TMEM87A: variants seen among roughly 807,000 people sequenced by gnomAD.
TMEM87A encodes Golgi-pH regulating cation channel.
A neutral mutation model predicts 90.0 loss-of-function variants in TMEM87A; 50 were observed. The observed-to-expected ratio is 0.56, with a 90% CI of 0.44 to 0.70. The LOEUF (loss-of-function observed/expected upper bound fraction) is 0.70, where lower values mean the gene tolerates loss of function less well. Ranked by LOEUF, TMEM87A falls within the 30% of genes least tolerant of loss-of-function variation. The probability of loss-of-function intolerance (pLI) is 0.00; values close to 1 mark genes in which losing one functional copy is unlikely to be tolerated. For synonymous variants in TMEM87A, 226 were observed against 226.7 expected (o/e 1.00, Z 0.03); for missense variants, 577 against 660.5 (o/e 0.87, Z 1.39).
At chr15:42,248,011 A>C (rs181455569) in intron 6 of TMEM87A, among the ~76,000 whole-genome samples, 150 of 152,196 alleles carry the variant, frequency 9.9e-4, no homozygotes, top group African/African-American at 3.4e-3. Flanking sequence ...CATCCCTTTT[A>C]AATTGGATTC....
intron 12 of TMEM87A, among the ~76,000 whole-genome samples, chr15:42,229,570 G>C (rs974241865): frequency 4.6e-5 from 7 of 151,704 alleles, no homozygotes; most frequent in African/African-American, 1.7e-4. Context: ...ATCTAGTTGA[G>C]GGTCATAATT....
At chr15:42,261,308 A>C in intron 4 of TMEM87A, 59 bp from the exon 5 acceptor site, 2 of 1,457,388 alleles carry the variant, frequency 1.4e-6, no homozygotes, top group Non-Finnish European at 1.9e-6. Flanking sequence ...AGAAAAGTGT[A>C]GCTCAAAATA....
At chr15:42,231,756 C>A in intron 11 of TMEM87A, 1 of 458,524 alleles carries the variant, frequency 2.2e-6, no homozygotes, top group Non-Finnish European at 3.1e-6. Context: ...GTCTGAAAAA[C>A]TATGCTGCAT....
chr15:42,268,134 G>A, intron 2 of TMEM87A, 102 bp from the exon 3 acceptor site: 1 of 790,814 alleles, frequency 1.3e-6, no homozygotes, highest in South Asian at 1.9e-5. Context: ...CCTAAACTGA[G>A]ATACTCAAAG....
intron 15 of TMEM87A, 32 bp downstream of exon 15, chr15:42,226,774 T>C (rs199851830): frequency 1.6e-5 from 25 of 1,587,148 alleles, no homozygotes; most frequent in African/African-American, 2.7e-5. Context: ...GGTCATCTCA[T>C]GTTAGCAGAG....
chr15:42,271,996 T>C (rs1452765944), intron 2 of TMEM87A, 67 bp downstream of exon 2: 1 of 1,259,202 alleles, frequency 7.9e-7, no homozygotes, highest in Non-Finnish European at 1.1e-6. Context: ...ATAAAATAGG[T>C]AATTTAAAAC....
chr15:42,254,358 A>AG (rs2051138966), intron 6 of TMEM87A, among the ~76,000 whole-genome samples: 4 of 152,244 alleles, frequency 2.6e-5, no homozygotes, highest in African/African-American at 9.6e-5. Flanking sequence ...CTCCTTGATA[A>AG]TTACCCAAAT....
At chr15:42,216,181 T>G (rs564864158) in intron 19 of TMEM87A, among the ~76,000 whole-genome samples, 7 of 152,146 alleles carry the variant, frequency 4.6e-5, no homozygotes, top group African/African-American at 1.7e-4. Context: ...TTATCTAAAA[T>G]AGAACTCAAA....
At chr15:42,263,609 G>A (rs148239042) in intron 4 of TMEM87A, among the ~76,000 whole-genome samples, 24 of 152,226 alleles carry the variant, frequency 1.6e-4, no homozygotes, top group African/African-American at 4.1e-4. Context: ...TTAGCCAGGC[G>A]TAATGGTGTG....
chr15:42,252,450 A>T (rs141255337), intron 6 of TMEM87A, among the ~76,000 whole-genome samples: 58 of 152,208 alleles, frequency 3.8e-4, no homozygotes, highest in African/African-American at 1.4e-3. Context: ...TTACTTTTTC[A>T]TTCCTGCTTG....
chr15:42,231,601 T>C (rs1222372221), intron 11 of TMEM87A, among the ~76,000 whole-genome samples: 1 of 152,176 alleles, frequency 6.6e-6, no homozygotes, highest in Non-Finnish European at 1.5e-5. Context: ...TTTCCTATTA[T>C]TGCAATTTTG....
In TMEM87A at chr15:42,233,283, T is replaced by C. The variant is rs759043009; in HGVS notation, c.992A>G (p.His331Arg). The change falls in exon 11 of 20, where the codon CAT becomes CGT. Residue 331 changes from histidine to arginine, a missense_variant. Physicochemically the swap from His to Arg is conservative, Grantham distance 29 (BLOSUM62 0). Transcript: ENST00000389834. ...IVKPRLGVTL[H>R]KVVVAGALYL... is the part of the protein sequence containing the mutation. Reference sequence around the variant, plus strand: ...GAGGGCTCCTGCTACTACAACCTTATGAAGAGTGACTCCAAGGCGTGGCCT... The same window carrying C: ...GAGGGCTCCTGCTACTACAACCTTACGAAGAGTGACTCCAAGGCGTGGCCT... 8.1e-6 allele frequency: 13 copies of C among 1,613,964 alleles called. No homozygotes were observed. The highest frequency in any genetic ancestry group is 2.2e-5 in the South Asian group (2 of 91,072).
intron 19 of TMEM87A, among the ~76,000 whole-genome samples, chr15:42,216,372 ATTG>A (rs1262562600): frequency 6.6e-5 from 10 of 151,914 alleles, no homozygotes; most frequent in African/African-American, 2.4e-4. Flanking sequence ...AGTAGATCTC[ATTG>A]TTATGTTTTC....
intron 19 of TMEM87A, among the ~76,000 whole-genome samples, chr15:42,216,041 C>T (rs2050378287): frequency 1.3e-5 from 2 of 152,110 alleles, no homozygotes; most frequent in South Asian, 4.1e-4. Flanking sequence ...TACAATGGAA[C>T]ACTTGTCAAC....
chr15:42,238,231 C>T (rs191732442), intron 8 of TMEM87A, among the ~76,000 whole-genome samples: 227 of 152,040 alleles, frequency 1.5e-3, no homozygotes, highest in Admixed American at 2.8e-3. Flanking sequence ...GTCATGAGTT[C>T]AAGGCCAGTC....
chr15:42,261,360 A>G (rs956848135), intron 4 of TMEM87A, 111 bp from the exon 5 acceptor site: 2 of 773,908 alleles, frequency 2.6e-6, no homozygotes, highest in African/African-American at 3.6e-5. Context: ...CTAACTAGTA[A>G]ATATAATAAC....
At chr15:42,219,707 G>T in intron 16 of TMEM87A, 65 bp from the exon 17 acceptor site, 2 of 1,099,056 alleles carry the variant, frequency 1.8e-6, no homozygotes, top group Non-Finnish European at 2.6e-6. Flanking sequence ...TGGCAAAACG[G>T]ATTCAGAACT....
At chr15:42,218,229 G>A (rs981905829) in intron 18 of TMEM87A, 94 bp downstream of exon 18, 4 of 1,202,140 alleles carry the variant, frequency 3.3e-6, no homozygotes, top group Non-Finnish European at 4.8e-6. Flanking sequence ...TCAGTATCTT[G>A]TATTTTCATG....
intron 18 of TMEM87A, 191 bp from the exon 19 acceptor site, chr15:42,218,024 C>T (rs548941813): frequency 3.1e-5 from 20 of 648,074 alleles, no homozygotes; most frequent in African/African-American, 1.7e-4. Flanking sequence ...AGAAAAAAAA[C>T]GTATTTTGCA....
Sources: gnomAD v4.1 joint callset for allele counts (sites outside exome capture counted in the v4.1 genomes callset) on GRCh38, gnomAD v4.1.1 for gene constraint, MANE v1.5 for transcripts, NCBI Gene and HGNC (gene_info 2026-07-23, HGNC 2026-07-21) for gene names.